Variants in ARID1B observed in about 807,000 individuals in gnomAD.
The protein encoded by ARID1B is AT-rich interaction domain 1B, also known as AT-rich interactive domain-containing protein 1B.
Under a neutral mutation model 212.3 loss-of-function variants are expected in ARID1B, and 30 were observed. The observed-to-expected ratio is 0.14, with a 90% confidence interval of 0.11 to 0.19. The LOEUF is 0.19. ARID1B is among the 10% of genes least tolerant of loss of function. ARID1B has a pLI of 1.00. For missense variants in ARID1B, 2,891 were observed against 3,204.0 expected (o/e 0.90, Z 2.36); for synonymous variants, 1,402 against 1,301.7 (o/e 1.08, Z -1.66).
chr6:156,812,757 C>T (rs1781638444), intron 1 of ARID1B, among the ~76,000 whole-genome samples: 1 of 151,520 alleles, frequency 6.6e-6, no homozygotes, highest in Non-Finnish European at 1.5e-5. Flanking sequence ...TCAGTATCTC[C>T]TCCCAAAAGA....
intron 4 of ARID1B, among the ~76,000 whole-genome samples, chr6:156,969,507 A>G (rs2128342057): frequency 6.6e-6 from 1 of 152,368 alleles, no homozygotes; most frequent in Admixed American, 6.5e-5. Context: ...TACTGAACAC[A>G]TGGTAGACAT....
chr6:157,088,506 G>A (rs772632616), intron 5 of ARID1B, among the ~76,000 whole-genome samples: 10 of 152,062 alleles, frequency 6.6e-5, no homozygotes, highest in Admixed American at 2.0e-4. Context: ...CTGTCCTTTC[G>A]AAGTTTTTAA....
intron 2 of ARID1B, among the ~76,000 whole-genome samples, chr6:156,852,732 C>T (rs1441512859): frequency 6.6e-6 from 1 of 152,176 alleles, no homozygotes; most frequent in African/African-American, 2.4e-5. Context: ...ATTATATTTT[C>T]CCGTGCCTGT....
At chr6:157,122,674 A>G (rs113876700) in intron 6 of ARID1B, among the ~76,000 whole-genome samples, 1,550 of 152,238 alleles carry the variant, frequency 0.01, 33 homozygotes, top group African/African-American at 0.034. Flanking sequence ...ACAGCTAGAA[A>G]GGGAACAGTC....
chr6:156,997,838 T>G (rs1778685841), intron 4 of ARID1B, among the ~76,000 whole-genome samples: 1 of 152,174 alleles, frequency 6.6e-6, no homozygotes, highest in Non-Finnish European at 1.5e-5. Context: ...TCTGAAAGAT[T>G]TACTGGAAGA....
intron 2 of ARID1B, among the ~76,000 whole-genome samples, chr6:156,867,683 C>T (rs140916503): frequency 6.6e-6 from 1 of 151,990 alleles, no homozygotes; most frequent in Non-Finnish European, 1.5e-5. Context: ...GCCTGCTTTT[C>T]AGGTTAAGAA....
chr6:157,084,371 C>T (rs1281763025), intron 4 of ARID1B, among the ~76,000 whole-genome samples: 4 of 152,154 alleles, frequency 2.6e-5, no homozygotes, highest in African/African-American at 9.7e-5. Flanking sequence ...GCATTTTGAA[C>T]AGGTCTAATG....
intron 4 of ARID1B, chr6:156,937,596 T>G (rs1792352429): frequency 6.6e-6 from 1 of 152,222 alleles, no homozygotes; most frequent in Non-Finnish European, 1.5e-5. Flanking sequence ...TTCAGCTAAC[T>G]CTACAGTGTT....
chr6:156,817,106 C>T (rs935278611), intron 1 of ARID1B, among the ~76,000 whole-genome samples: 6 of 151,648 alleles, frequency 4.0e-5, no homozygotes, highest in African/African-American at 1.5e-4. Context: ...AAAAAAAGGC[C>T]GGGCATGGTG....
intron 4 of ARID1B, among the ~76,000 whole-genome samples, chr6:157,045,318 T>A (rs1326718403): frequency 1.3e-5 from 2 of 152,242 alleles, no homozygotes; most frequent in Non-Finnish European, 2.9e-5. Flanking sequence ...CATTGTAAGA[T>A]TCTACCCAAT....
intron 4 of ARID1B, among the ~76,000 whole-genome samples, chr6:156,945,462 G>C (rs933462510): frequency 6.6e-6 from 1 of 151,796 alleles, no homozygotes; most frequent in Non-Finnish European, 1.5e-5. Flanking sequence ...GGACCACCGA[G>C]TGTGCTGCGG....
intron 4 of ARID1B, among the ~76,000 whole-genome samples, chr6:156,989,546 A>G (rs1200554771): frequency 6.6e-6 from 1 of 152,232 alleles, no homozygotes; most frequent in African/African-American, 2.4e-5. Flanking sequence ...CCTGGGGGTG[A>G]TACATATTTG....
chr6:157,140,349 A>G (rs1332696295), intron 7 of ARID1B, among the ~76,000 whole-genome samples: 1 of 152,140 alleles, frequency 6.6e-6, no homozygotes, highest in Admixed American at 6.5e-5. Context: ...ACGCGCCTGT[A>G]ATCCCAGCTA....
chr6:157,089,930 G>A lies in ARID1B; in HGVS notation c.2491+5025G>A, dbSNP rs537749778. ...TTATATCCTAGCGTTTTTCACTTTG[G>A]CGTTAGGAGGGCTGCTGGGTTTTGG... On this transcript the variant is annotated intron_variant, in intron 5 of 19. Transcript: ENST00000636930. Among the ~76,000 whole-genome samples, 158 of 151,096 alleles carry A rather than the reference G, an allele frequency of 1.0e-3. 1 individual carries two copies. The highest frequency in any genetic ancestry group is 2.5e-3 in the South Asian group (12 of 4,806).
chr6:156,867,921 T>C (rs1303140357), intron 2 of ARID1B, among the ~76,000 whole-genome samples: 5 of 152,140 alleles, frequency 3.3e-5, no homozygotes, highest in Non-Finnish European at 1.5e-5. Flanking sequence ...CCGAAACGAG[T>C]TGCTGTATTC....
Position 156,933,877 on chromosome 6 carries a change from C to T in ARID1B, c.2137-1589C>T, listed in dbSNP as rs574019625. On this transcript the variant is annotated intron_variant, in intron 3 of 19. Coordinates refer to ENST00000636930, the MANE Select transcript of ARID1B (RefSeq NM_001374828.1). Reference sequence around the variant, plus strand: ...TTTCAGAGCGTGTTGAAAAGCAGGTCGCACCAACACTAGGCTGGTTAAATC... The same window carrying T: ...TTTCAGAGCGTGTTGAAAAGCAGGTTGCACCAACACTAGGCTGGTTAAATC... Among the ~76,000 whole-genome samples the T allele has an allele frequency of 6.6e-5, 10 of 152,080 alleles. 1 individual carries two copies. Among genetic ancestry groups the T allele is most frequent in the Admixed American group, 5.9e-4 (9 of 15,262 alleles).
At chr6:156,863,879 T>C (rs1043193141) in intron 2 of ARID1B, among the ~76,000 whole-genome samples, 4 of 152,160 alleles carry the variant, frequency 2.6e-5, no homozygotes, top group African/African-American at 9.7e-5. Flanking sequence ...GCAAAATCCA[T>C]GTGCAAAATT....
intron 4 of ARID1B, among the ~76,000 whole-genome samples, chr6:157,021,275 GCC>G (rs2128473883): frequency 6.6e-6 from 1 of 152,332 alleles, no homozygotes; most frequent in African/African-American, 2.4e-5. Flanking sequence ...GGGGAGACTC[GCC>G]CGCGCCCACG....
chr6:157,049,128 A>T (rs1359997969), intron 4 of ARID1B, among the ~76,000 whole-genome samples: 1 of 149,648 alleles, frequency 6.7e-6, no homozygotes, highest in Non-Finnish European at 1.5e-5. Flanking sequence ...AGCTGAGATC[A>T]TGCCACTGCA....
Sources: gnomAD v4.1 joint callset for allele counts (sites outside exome capture counted in the v4.1 genomes callset) on GRCh38, gnomAD v4.1.1 for gene constraint, MANE v1.5 for transcripts, NCBI Gene and HGNC (gene_info 2026-07-23, HGNC 2026-07-21) for gene names.